KIF4B: variants seen among roughly 807,000 people sequenced by gnomAD.
The protein encoded by KIF4B is chromosome-associated kinesin KIF4B.
Under a neutral mutation model 69.0 loss-of-function variants are expected in KIF4B, and 60 were observed. That is an observed-to-expected ratio of 0.87 (90% confidence interval 0.71 to 1.08). The LOEUF is 1.08. Ranked by LOEUF, KIF4B falls within the 50% of genes least tolerant of loss-of-function variation. The pLI, the probability that KIF4B is intolerant of heterozygous loss-of-function variation, is 0.00. For missense variants in KIF4B, 1,357 were observed against 1,451.9 expected, an observed-to-expected ratio of 0.93 and a Z score of 1.06; for synonymous variants, 489 against 533.0, an observed-to-expected ratio of 0.92 and a Z score of 1.14.
At position 155,015,579 on chromosome 5, in the gene KIF4B, G is replaced by T. The variant is rs770712289; in HGVS notation, c.1720G>T (p.Glu574Ter). 3 of 1,614,202 alleles carry T rather than the reference G, an allele frequency of 1.9e-6. No individual in the cohort carries two copies. The South Asian group carries it at 3.3e-5, about 18-fold the overall frequency. ...LELEVINLQK[E>*]KEELVRELQT... Reference sequence around the variant, plus strand: ...ATTAGAAGTCATCAATCTGCAAAAGGAAAAGGAAGAATTGGTTCGTGAACT... The same window carrying T: ...ATTAGAAGTCATCAATCTGCAAAAGTAAAAGGAAGAATTGGTTCGTGAACT... The change falls in exon 1 of 1, where the codon GAA (glutamate) becomes TAA (stop). Residue 574 changes from glutamate to a stop codon, truncating the protein, a stop_gained. Transcript: ENST00000435029. LOFTEE classifies it high-confidence loss of function.
In KIF4B at chr5:155,014,684, T is replaced by C. The variant is rs371836795; in HGVS notation, c.825T>C (p.Ser275=). ...TCCTATGCTTGGGAAATGTAATCAG[T>C]GCTCTTGGAGATGACAAAAAGGGTA... is the stretch of plus-strand genomic sequence containing the variant. The part of the protein sequence containing the change: ...RGLLCLGNVI[S]ALGDDKKGSF... The change falls in exon 1 of 1, where the codon AGT becomes AGC. Residue 275 remains serine, a synonymous_variant. Coordinates refer to ENST00000435029, the MANE Select transcript of KIF4B (RefSeq NM_001099293.3). 7.0e-5 allele frequency: 113 copies of C among 1,614,014 alleles called. 1 individual carries two copies. Among genetic ancestry groups the C allele is most frequent in the Non-Finnish European group, 9.5e-5 (112 of 1,180,020 alleles).
chr5:155,015,076 T>A lies in KIF4B; in HGVS notation c.1217T>A (p.Leu406Gln). Residue 406 changes from leucine to glutamine, a missense_variant, in exon 1 of 1, where the codon CTG becomes CAG. By Grantham distance (113) the Leu-to-Gln change is moderately radical. Transcript: ENST00000435029. ...GAGAATGAAAAATTAAGTCGTTGTC[T>A]GAGCAAGGCAGCTGGTCAGACAGCC... is the stretch of plus-strand genomic sequence containing the variant. ...VEENEKLSRCLSKAAGQTAQM... is the reference protein window; with the variant it reads ...VEENEKLSRCQSKAAGQTAQM... The A allele has an allele frequency of 6.2e-7, 1 of 1,614,164 alleles. No individual in the cohort carries two copies. The highest frequency in any genetic ancestry group is 1.1e-5 in the South Asian group (1 of 91,084).
chr5:155,015,483 A>G lies in KIF4B; in HGVS notation c.1624A>G (p.Lys542Glu). 1.2e-6 allele frequency: 2 copies of G among 1,614,238 alleles called. No individual in the cohort carries two copies. Among genetic ancestry groups the G allele is most frequent in the Non-Finnish European group, 8.5e-7 (1 of 1,180,052 alleles). Residue 542 changes from lysine (K) to glutamate (E), a missense_variant, in exon 1 of 1, where the codon AAG becomes GAG. Physicochemically the swap from Lys to Glu is moderately conservative, Grantham distance 56. Coordinates refer to ENST00000435029, the MANE Select transcript of KIF4B (RefSeq NM_001099293.3). ...ALALKEALVR[K>E]MTQNDNQLQP... ...TGCACTGAAAGAGGCCCTAGTTAGG[A>G]AGATGACTCAGAACGACAACCAACT... is the stretch of plus-strand genomic sequence containing the variant.
Position 155,016,598 on chromosome 5 carries a change from G to T in KIF4B, c.2739G>T (p.Glu913Asp), listed in dbSNP as rs1163876992. The change falls in exon 1 of 1, where the codon GAG becomes GAT. Residue 913 changes from glutamate to aspartate, a missense_variant. Glu to Asp is a conservative substitution (Grantham distance 45). Transcript: ENST00000435029. ...FEEQNHFSEI[E>D]TELQAELVRM... is the part of the protein sequence containing the mutation. ...AACAAAATCATTTTTCTGAGATAGA[G>T]ACAGAGTTACAAGCTGAGCTGGTCA... The T allele has an allele frequency of 6.2e-7, 1 of 1,614,212 alleles. No homozygotes were observed. Among genetic ancestry groups the T allele is most frequent in the Admixed American group, 1.7e-5 (1 of 60,022 alleles).
Position 155,015,778 on chromosome 5 carries a change from T to C in KIF4B, c.1919T>C (p.Ile640Thr). The change falls in exon 1 of 1, where the codon ATA becomes ACA. Residue 640 changes from isoleucine to threonine, a missense_variant. By Grantham distance (89) the Ile-to-Thr change is moderately conservative (BLOSUM62 -1). Transcript: ENST00000435029. ...ACTGTCTCCAAGCTGAACCAAGAGA[T>C]ATGGATGATGAAAAACCAGCGGGTA... ...ERTVSKLNQEIWMMKNQRVQL... is the reference protein window; with the variant it reads ...ERTVSKLNQETWMMKNQRVQL... 6.2e-7 allele frequency: 1 copy of C among 1,614,014 alleles called. No individual in the cohort carries two copies. The highest frequency in any genetic ancestry group is 8.5e-7 in the Non-Finnish European group (1 of 1,180,014).
chr5:155,017,003 A>T lies in KIF4B; in HGVS notation c.3144A>T (p.Ser1048=). 1 of 1,614,250 alleles carries T rather than the reference A, an allele frequency of 6.2e-7. No homozygotes were observed. The highest frequency in any genetic ancestry group is 8.5e-7 in the Non-Finnish European group (1 of 1,180,046). The change falls in exon 1 of 1, where the codon TCA becomes TCT. Residue 1048 remains serine, a synonymous_variant. Coordinates refer to ENST00000435029, the MANE Select transcript of KIF4B (RefSeq NM_001099293.3). ...SMDIEDLKYC[S]EHSVNEHEDG... is the part of the protein sequence containing the mutation. ...ACATCGAGGATCTAAAATATTGTTCAGAGCATTCTGTGAATGAGCATGAAG... is the reference window on the plus strand; with the variant it reads ...ACATCGAGGATCTAAAATATTGTTCTGAGCATTCTGTGAATGAGCATGAAG...
In KIF4B at chr5:155,013,771, G is replaced by T; in HGVS notation, c.-89G>T. 6.4e-7 allele frequency: 1 copy of T among 1,561,852 alleles called. No individual in the cohort carries two copies. The highest frequency in any genetic ancestry group is 8.7e-7 in the Non-Finnish European group (1 of 1,152,530). ...CTCTGGGAGGGATTTGAAACTTGGC[G>T]GTTAAAGCTCCGGCTGGGACAGGGC... On this transcript the variant is annotated 5_prime_UTR_variant, in exon 1 of 1. Transcript: ENST00000435029.
At position 155,016,097 on chromosome 5, in the gene KIF4B, G is replaced by A; in HGVS notation, c.2238G>A (p.Trp746Ter). The change falls in exon 1 of 1, where the codon TGG becomes TGA. Residue 746 changes from tryptophan (W) to a stop codon, truncating the protein, a stop_gained. Transcript: ENST00000435029. LOFTEE classifies it high-confidence loss of function. ...KEGIAARVRNWLGNEIEVMVS... is the reference protein window; with the variant it reads ...KEGIAARVRN ...GTATTGCAGCTCGAGTGAGGAATTG[G>A]CTTGGAAATGAAATTGAGGTTATGG... is the stretch of plus-strand genomic sequence containing the variant. 1 of 1,614,180 alleles carries A rather than the reference G, an allele frequency of 6.2e-7. No homozygotes were observed. Among genetic ancestry groups the A allele is most frequent in the South Asian group, 1.1e-5 (1 of 91,082 alleles).
Position 155,016,207 on chromosome 5 carries a change from A to T in KIF4B, c.2348A>T (p.Glu783Val). 1.2e-6 allele frequency: 2 copies of T among 1,614,138 alleles called. No individual in the cohort carries two copies. The highest frequency in any genetic ancestry group is 1.1e-5 in the South Asian group (1 of 91,074). The change falls in exon 1 of 1, where the codon GAA becomes GTA. Residue 783 changes from glutamate to valine, a missense_variant. By Grantham distance (121) the Glu-to-Val change is moderately radical. Coordinates refer to ENST00000435029, the MANE Select transcript of KIF4B (RefSeq NM_001099293.3). ...GCTCAGGATGTGGTTCAACTCAAAG[A>T]AAAAAAGGAATCTCGGGAGAATCCA... is the stretch of plus-strand genomic sequence containing the variant. ...ILAQDVVQLK[E>V]KKESRENPPP...
rs539284143 is a variant in KIF4B at position 155,016,536 on chromosome 5, G to C, written c.2677G>C (p.Ala893Pro). The C allele has an allele frequency of 1.2e-5, 20 of 1,614,162 alleles. 1 individual carries two copies. In the South Asian group the frequency reaches 2.1e-4, roughly 17 times the overall value. The change falls in exon 1 of 1, where the codon GCC (alanine) becomes CCC (proline). Residue 893 changes from alanine (A) to proline (P), a missense_variant. Ala to Pro is a conservative substitution (Grantham distance 27). Transcript: ENST00000435029. ...KLENSLRQSK[A>P]SCADMQKMLF... ...TGAAAACAGCCTGAGACAGAGCAAG[G>C]CCAGCTGTGCTGACATGCAGAAGAT...
Position 155,014,939 on chromosome 5 carries a change from G to C in KIF4B, c.1080G>C (p.Gln360His), listed in dbSNP as rs1458925916. 1 of 1,614,204 alleles carries C rather than the reference G, an allele frequency of 6.2e-7. No homozygotes were observed. The highest frequency in any genetic ancestry group is 1.1e-5 in the South Asian group (1 of 91,080). Residue 360 changes from glutamine to histidine, a missense_variant, in exon 1 of 1, where the codon CAG becomes CAC. Physicochemically the swap from Gln to His is conservative, Grantham distance 24. Coordinates refer to ENST00000435029, the MANE Select transcript of KIF4B (RefSeq NM_001099293.3). ...ATCATCTAAAGCAACAGGTACAACA[G>C]CTACAAGTCTTGTTGCTACAAGCCC... Reference protein sequence around the residue: ...ELNHLKQQVQQLQVLLLQAHG... With the variant: ...ELNHLKQQVQHLQVLLLQAHG...
Position 155,017,056 on chromosome 5 carries a change from A to G in KIF4B, c.3197A>G (p.Glu1066Gly). The stretch of plus-strand genomic sequence containing the variant: ...GGTGATGGTGATGGCGACAGTGATG[A>G]GGGGGATGATGAGGAATGGAAGCCA... Reference protein sequence around the residue: ...EDGDGDGDSDEGDDEEWKPTK... With the variant: ...EDGDGDGDSDGGDDEEWKPTK... Residue 1066 changes from glutamate to glycine, a missense_variant, in exon 1 of 1, where the codon GAG (glutamate) becomes GGG (glycine). Physicochemically the swap from Glu to Gly is moderately conservative, Grantham distance 98 (BLOSUM62 -2). Transcript: ENST00000435029. 6.2e-7 allele frequency: 1 copy of G among 1,614,166 alleles called. No individual in the cohort carries two copies. The highest frequency in any genetic ancestry group is 8.5e-7 in the Non-Finnish European group (1 of 1,180,020).
chr5:155,014,735 G>A lies in KIF4B; in HGVS notation c.876G>A (p.Lys292=), dbSNP rs764758667. 3 of 1,614,092 alleles carry A rather than the reference G, an allele frequency of 1.9e-6. No individual in the cohort carries two copies. Among genetic ancestry groups the A allele is most frequent in the Non-Finnish European group, 2.5e-6 (3 of 1,180,032 alleles). ...GCTTTGTGCCCTACAGAGATTCCAAGTTAACTCGACTGCTGCAAGATTCTC... is the reference window on the plus strand; with the variant it reads ...GCTTTGTGCCCTACAGAGATTCCAAATTAACTCGACTGCTGCAAGATTCTC... ...KGSFVPYRDS[K]LTRLLQDSLG... is the part of the protein sequence containing the mutation. Residue 292 remains lysine (K), a synonymous_variant, in exon 1 of 1, where the codon AAG becomes AAA. Transcript: ENST00000435029.
rs1242878556 is a variant in KIF4B at position 155,015,584 on chromosome 5, G to A, written c.1725G>A (p.Lys575=). ...AAGTCATCAATCTGCAAAAGGAAAA[G>A]GAAGAATTGGTTCGTGAACTTCAGA... ...ELEVINLQKE[K]EELVRELQTA... Residue 575 remains lysine (K), a synonymous_variant, in exon 1 of 1, where the codon AAG becomes AAA. Coordinates refer to ENST00000435029, the MANE Select transcript of KIF4B (RefSeq NM_001099293.3). The A allele has an allele frequency of 5.6e-6, 9 of 1,614,228 alleles. No individual in the cohort carries two copies. The East Asian group carries it at 2.0e-4, about 36-fold the overall frequency.
Position 155,017,085 on chromosome 5 carries a change from A to T in KIF4B, c.3226A>T (p.Lys1076Ter). ...GGATGATGAGGAATGGAAGCCAACA[A>T]AATTAGTCAAGGTGTCCAGGAAGAA... ...EGDDEEWKPTKLVKVSRKNIQ... is the reference protein window; with the variant it reads ...EGDDEEWKPT Residue 1076 changes from lysine (K) to a stop codon, truncating the protein, a stop_gained, in exon 1 of 1, where the codon AAA (lysine) becomes TAA (stop). Transcript: ENST00000435029. LOFTEE classifies it low-confidence loss of function (END_TRUNC). 1 of 1,614,080 alleles carries T rather than the reference A, an allele frequency of 6.2e-7. No homozygotes were observed. Among genetic ancestry groups the T allele is most frequent in the Non-Finnish European group, 8.5e-7 (1 of 1,179,946 alleles).
Position 155,015,963 on chromosome 5 carries a change from C to T in KIF4B, c.2104C>T (p.Arg702Cys), listed in dbSNP as rs200320925. The change falls in exon 1 of 1, where the codon CGT (arginine) becomes TGT (cysteine). Residue 702 changes from arginine (R) to cysteine (C), a missense_variant. Arg to Cys is a radical substitution (Grantham distance 180). Transcript: ENST00000435029. ...NFQKQSSVLR[R>C]KTEEAAAANK... ...CCAGAAACAATCCAGTGTGCTCAGACGTAAAACGGAAGAGGCAGCAGCTGC... is the reference window on the plus strand; with the variant it reads ...CCAGAAACAATCCAGTGTGCTCAGATGTAAAACGGAAGAGGCAGCAGCTGC... 1.9e-5 allele frequency: 30 copies of T among 1,614,038 alleles called. No individual in the cohort carries two copies. Among genetic ancestry groups the T allele is most frequent in the Admixed American group, 3.3e-5 (2 of 60,010 alleles).
rs778305105 is a variant in KIF4B at position 155,017,229 on chromosome 5, C to T, written c.3370C>T (p.Gln1124Ter). The change falls in exon 1 of 1, where the codon CAA (glutamine) becomes TAA (stop). Residue 1124 changes from glutamine to a stop codon, truncating the protein, a stop_gained. Transcript: ENST00000435029. LOFTEE classifies it low-confidence loss of function (END_TRUNC). ...CCCCACAAAGTGTCGGAACCGCCAG[C>T]AAGGCAAGGATAGCTTGGGCACTGT... ...CDPTKCRNRQ[Q>*]GKDSLGTVEQ... is the part of the protein sequence containing the mutation. 1.2e-5 allele frequency: 20 copies of T among 1,614,076 alleles called. No homozygotes were observed. The highest frequency in any genetic ancestry group is 8.0e-5 in the African/African-American group (6 of 74,926).
Position 155,014,111 on chromosome 5 carries a change from C to A in KIF4B, c.252C>A (p.Val84=), listed in dbSNP as rs1765280506. The A allele has an allele frequency of 6.2e-7, 1 of 1,614,098 alleles. No homozygotes were observed. The highest frequency in any genetic ancestry group is 1.7e-5 in the Admixed American group (1 of 59,994). The change falls in exon 1 of 1, where the codon GTC becomes GTA. Residue 84 remains valine, a synonymous_variant. Coordinates refer to ENST00000435029, the MANE Select transcript of KIF4B (RefSeq NM_001099293.3). ...TATTTAAAGGATATAATGCAACGGT[C>A]CTGGCCTATGGGCAGACTGGCTCTG... ...KGIFKGYNAT[V]LAYGQTGSGK...
In KIF4B at chr5:155,015,397, C is replaced by T; in HGVS notation, c.1538C>T (p.Thr513Ile). Residue 513 changes from threonine to isoleucine, a missense_variant, in exon 1 of 1, where the codon ACT becomes ATT. Coordinates refer to ENST00000435029, the MANE Select transcript of KIF4B (RefSeq NM_001099293.3). ...AGCAGGTCTTCTGACGCTTTTACCACTCAGCATGCTCTCCATCAAGCTCAG... is the reference window on the plus strand; with the variant it reads ...AGCAGGTCTTCTGACGCTTTTACCATTCAGCATGCTCTCCATCAAGCTCAG... ...ETSRSSDAFT[T>I]QHALHQAQMS... 5 of 1,614,178 alleles carry T rather than the reference C, an allele frequency of 3.1e-6. No homozygotes were observed. Among genetic ancestry groups the T allele is most frequent in the Non-Finnish European group, 3.4e-6 (4 of 1,180,030 alleles).
Sources: allele counts gnomAD v4.1 joint callset, GRCh38; gene constraint gnomAD v4.1.1; transcripts MANE v1.5; gene names NCBI Gene and HGNC (gene_info 2026-07-23, HGNC 2026-07-21).